Variants in CDH4 observed in about 807,000 individuals in gnomAD.
CDH4 encodes cadherin 4, also known as cadherin-4.
A neutral mutation model predicts 86.0 loss-of-function variants in CDH4; 33 were observed. The ratio of observed to expected loss-of-function variants is 0.38; its 90% CI spans 0.29 to 0.51. The LOEUF is 0.51. CDH4 is among the 20% of genes least tolerant of loss of function. The pLI, the probability that CDH4 is intolerant of heterozygous loss-of-function variation, is 0.86. For missense variants in CDH4, 1,114 were observed against 1,307.4 expected, an observed-to-expected ratio of 0.85 and a Z score of 2.28; for synonymous variants, 555 against 549.4, an observed-to-expected ratio of 1.01 and a Z score of -0.14.
intron 7 of CDH4, among the ~76,000 whole-genome samples, chr20:61,889,398 TG>T (rs1984691567): frequency 2.2e-5 from 3 of 139,198 alleles, no homozygotes; most frequent in African/African-American, 8.3e-5. Flanking sequence ...GGATGATGGA[TG>T]AGGGATGGGT....
chr20:61,858,345 G>C (rs111067185), intron 6 of CDH4, among the ~76,000 whole-genome samples: 1 of 150,240 alleles, frequency 6.7e-6, no homozygotes, highest in African/African-American at 2.5e-5. Context: ...CTGTATCTGC[G>C]TATGTGTCTC....
At chr20:61,310,176 A>T (rs1413881614) in intron 2 of CDH4, among the ~76,000 whole-genome samples, 1 of 152,038 alleles carries the variant, frequency 6.6e-6, no homozygotes, top group Non-Finnish European at 1.5e-5. Context: ...GGGTAGGCTG[A>T]GTGTCTTCAG....
intron 2 of CDH4, among the ~76,000 whole-genome samples, chr20:61,588,684 G>T (rs552104891): frequency 2.2e-4 from 34 of 152,164 alleles, no homozygotes; most frequent in Admixed American, 1.6e-3. Flanking sequence ...TCTGTCTCCA[G>T]TGCGTTTATC....
At position 61,694,906 on chromosome 20, in the gene CDH4, G is replaced by A. The variant is rs1051520770; in HGVS notation, c.170-48657G>A. On this transcript the variant is annotated intron_variant, in intron 2 of 15. Coordinates refer to ENST00000614565, the MANE Select transcript of CDH4 (RefSeq NM_001794.5). ...GTGAAATGTCATAGCTTCAGATCCC[G>A]TGCGCCGCCGGAGAGCTGGAATGAG... Among the ~76,000 whole-genome samples the A allele has an allele frequency of 3.7e-4, 57 of 152,342 alleles. 1 individual carries two copies. Among genetic ancestry groups the A allele is most frequent in the Admixed American group, 1.1e-3 (17 of 15,306 alleles).
Position 61,708,862 on chromosome 20 carries a change from G to A in CDH4, c.170-34701G>A, listed in dbSNP as rs74599900. On this transcript the variant is annotated intron_variant, in intron 2 of 15. Transcript: ENST00000614565. The surrounding 1 kb of genome is among the most constrained non-coding windows in gnomAD (Gnocchi z 4.5). Reference sequence around the variant, plus strand: ...TTGGCAGACGTGCAGAACACCCCGCGTGCAATCTTTTCCTGGTAATTTAGT... The same window carrying A: ...TTGGCAGACGTGCAGAACACCCCGCATGCAATCTTTTCCTGGTAATTTAGT... 0.018 allele frequency among the ~76,000 whole-genome samples: 2,717 copies of A among 152,328 alleles called. 80 individuals are homozygous for A. The highest frequency in any genetic ancestry group is 0.062 in the African/African-American group (2,591 of 41,574).
In CDH4 at chr20:61,806,547, G is replaced by A. The variant is rs551699634; in HGVS notation, c.576+33365G>A. On this transcript the variant is annotated intron_variant, in intron 4 of 15. Transcript: ENST00000614565. ...AACACGTGTGCACACACATGTCCACGCGCACGCACACACATGTCCACGCGC... is the reference window on the plus strand; with the variant it reads ...AACACGTGTGCACACACATGTCCACACGCACGCACACACATGTCCACGCGC... 2.5e-4 allele frequency among the ~76,000 whole-genome samples: 35 copies of A among 141,092 alleles called. 1 individual carries two copies. In the South Asian group the frequency reaches 5.0e-3, roughly 20 times the overall value. The allele number at this position is 141,092 out of a possible 152,430, so 92.6% of individuals were successfully genotyped here. A position where few individuals can be genotyped will look rare whatever the true frequency, so the allele number is the denominator to read the frequency against.
chr20:61,425,625 G>A lies in CDH4; in HGVS notation c.169+170688G>A, dbSNP rs191640885. On this transcript the variant is annotated intron_variant, in intron 2 of 15. Coordinates refer to ENST00000614565, the MANE Select transcript of CDH4 (RefSeq NM_001794.5). ...GGGCAGAGCCCAGGGAAAACAGGGC[G>A]GCAGCGCACAGAAACCCGGGTGACG... Among the ~76,000 whole-genome samples, 24 of 152,392 alleles carry A rather than the reference G, an allele frequency of 1.6e-4. 1 individual carries two copies. The South Asian group carries it at 3.1e-3, about 20-fold the overall frequency.
rs1320370007 is a variant in CDH4, at chr20:61,708,625, G to A, written c.170-34938G>A. On this transcript the variant is annotated intron_variant, in intron 2 of 15. Coordinates refer to ENST00000614565, the MANE Select transcript of CDH4 (RefSeq NM_001794.5). This position sits in a 1 kb window ranked among gnomAD's most constrained non-coding sequence, Gnocchi z 4.5. ...TTGTAGACCCTCTCCACCCTCCTGT[G>A]CCTGGAGCCCCTCCCAGACGTTTGC... Among the ~76,000 whole-genome samples, 1 of 151,990 alleles carries A rather than the reference G, an allele frequency of 6.6e-6. No homozygotes were observed.
intron 2 of CDH4, among the ~76,000 whole-genome samples, chr20:61,704,921 C>G (rs568677928): frequency 6.6e-6 from 1 of 152,190 alleles, no homozygotes; most frequent in Non-Finnish European, 1.5e-5. Flanking sequence ...ATTCCAGAAC[C>G]AGGGATATAG....
chr20:61,594,949 G>A (rs561903123), intron 2 of CDH4, among the ~76,000 whole-genome samples: 106 of 151,318 alleles, frequency 7.0e-4, no homozygotes, highest in African/African-American at 2.4e-3. Flanking sequence ...TCATTCATTC[G>A]CTCACTGTTT....
At chr20:61,729,447 A>G (rs1249553927) in intron 2 of CDH4, among the ~76,000 whole-genome samples, 2 of 152,040 alleles carry the variant, frequency 1.3e-5, no homozygotes, top group African/African-American at 4.8e-5. Flanking sequence ...TTTTTTCTTG[A>G]ACAGAGAACT....
intron 2 of CDH4, among the ~76,000 whole-genome samples, chr20:61,634,340 A>C (rs2086925176): frequency 6.6e-6 from 1 of 152,202 alleles, no homozygotes; most frequent in Non-Finnish European, 1.5e-5. Context: ...GGTGAAACAA[A>C]GGGAGGATGA....
chr20:61,627,879 C>T (rs2086844809), intron 2 of CDH4, among the ~76,000 whole-genome samples: 1 of 152,032 alleles, frequency 6.6e-6, no homozygotes, highest in African/African-American at 2.4e-5. Flanking sequence ...TGTCGGTGTC[C>T]CCCAGCGAGG....
intron 8 of CDH4, among the ~76,000 whole-genome samples, chr20:61,897,229 C>G (rs973405783): frequency 6.6e-6 from 1 of 152,148 alleles, no homozygotes; most frequent in African/African-American, 2.4e-5. Context: ...GGTCCTAAAT[C>G]CCAAAATTCA....
rs187369381 is a variant in CDH4, at chr20:61,380,551, C to T, written c.169+125614C>T. Among the ~76,000 whole-genome samples the T allele has an allele frequency of 4.6e-4, 48 of 103,658 alleles. 1 individual carries two copies. The highest frequency in any genetic ancestry group is 2.0e-3 in the African/African-American group (47 of 23,252). 68.0% of individuals were successfully genotyped at this position (103,658 alleles called of 152,430 possible). On this transcript the variant is annotated intron_variant, in intron 2 of 15. Coordinates refer to ENST00000614565, the MANE Select transcript of CDH4 (RefSeq NM_001794.5). ...CCCCCTGCCCCCTCCCACCTGTTTT[C>T]ACCCCTCCCTCGATCCATCAAGATG...
intron 2 of CDH4, among the ~76,000 whole-genome samples, chr20:61,631,828 C>T (rs150927075): frequency 5.7e-4 from 87 of 152,352 alleles, no homozygotes; most frequent in Middle Eastern, 3.4e-3. Flanking sequence ...GTGGGGGTGG[C>T]ACGCGTCCTC....
intron 2 of CDH4, among the ~76,000 whole-genome samples, chr20:61,387,219 T>C (rs2084956394): frequency 6.6e-6 from 1 of 151,308 alleles, no homozygotes; most frequent in African/African-American, 2.4e-5. Context: ...CACAGATCCA[T>C]ATATACATGC....
intron 2 of CDH4, among the ~76,000 whole-genome samples, chr20:61,330,401 C>T (rs113573974): frequency 1.2e-4 from 18 of 152,194 alleles, no homozygotes; most frequent in African/African-American, 3.6e-4. Flanking sequence ...CTCTAATAAT[C>T]GCCATTCTGA....
intron 2 of CDH4, among the ~76,000 whole-genome samples, chr20:61,618,911 A>G (rs1600811796): frequency 6.6e-6 from 1 of 152,180 alleles, no homozygotes; most frequent in East Asian, 1.9e-4. Context: ...AAGAGCGTGC[A>G]GGCTGGCTTA....
Sources: gnomAD v4.1 joint callset for allele counts (sites outside exome capture counted in the v4.1 genomes callset) on GRCh38, gnomAD v4.1.1 for gene constraint, Gnocchi (gnomAD v3.1) non-coding constraint, MANE v1.5 for transcripts, NCBI Gene and HGNC (gene_info 2026-07-23, HGNC 2026-07-21) for gene names.